Variants in FCER1A observed in about 807,000 individuals in gnomAD.
FCER1A encodes Fc epsilon receptor Ia.
A neutral mutation model predicts 23.6 loss-of-function variants in FCER1A; 24 were observed. That is an observed-to-expected ratio of 1.02 (90% CI 0.74 to 1.43). The LOEUF is 1.43. Ranked by LOEUF, FCER1A falls within the 40% of genes most tolerant of loss-of-function variation. FCER1A has a pLI of 0.00. For missense variants in FCER1A, 318 were observed against 294.5 expected (o/e 1.08, Z -0.58); for synonymous variants, 121 against 108.8 (o/e 1.11, Z -0.70).
rs61828225 is a variant in FCER1A, at chr1:159,293,832, A to G, written c.-60+4079A>G. The stretch of plus-strand genomic sequence containing the variant: ...CAACCTACTCATCTGACAAAGGGCT[A>G]ATATCCAGAATCTACAATGAACTCA... On this transcript the variant is annotated intron_variant, in intron 1 of 5. Transcript: ENST00000368115. 9.8e-3 allele frequency among the ~76,000 whole-genome samples: 1,484 copies of G among 152,116 alleles called. 12 individuals are homozygous for G. Among genetic ancestry groups the G allele is most frequent in the Non-Finnish European group, 0.017 (1,182 of 67,998 alleles).
intron 1 of FCER1A, among the ~76,000 whole-genome samples, chr1:159,291,635 T>C (rs1349825244): frequency 1.3e-5 from 2 of 152,162 alleles, no homozygotes; most frequent in African/African-American, 2.4e-5. Flanking sequence ...ACTTCCCTTA[T>C]TCCCTCTCTG....
Position 159,307,754 on chromosome 1 carries a change from GTGAGAAGTACTGGCTACAATTTT to G in FCER1A, c.598_620del (p.Glu200TyrfsTer30). 6.3e-7 allele frequency: 1 copy of G among 1,598,806 alleles called. No individual in the cohort carries two copies. The highest frequency in any genetic ancestry group is 8.6e-7 in the Non-Finnish European group (1 of 1,168,366). On this transcript the variant is annotated frameshift_variant, in exon 5 of 5. Coordinates refer to ENST00000693622, the MANE Select transcript of FCER1A (RefSeq NM_001387280.1). LOFTEE classifies it low-confidence loss of function (END_TRUNC). Reference sequence around the variant, plus strand: ...CATCTGTGTTCCACTACAGCTCCGCGTGAGAAGTACTGGCTACAATTTTTTATCCCATTGTTGGTGGTGATTCT... The same window carrying G: ...CATCTGTGTTCCACTACAGCTCCGCGTTATCCCATTGTTGGTGGTGATTCT...
At chr1:159,287,716 A>C (rs1434023344), upstream of FCER1A, among the ~76,000 whole-genome samples, 3 of 148,174 alleles carry the variant, frequency 2.0e-5, no homozygotes, top group East Asian at 5.8e-4. Context: ...ATAAATATAT[A>C]ATGTATTATA....
intron 1 of FCER1A, among the ~76,000 whole-genome samples, chr1:159,293,168 CTGTGTGTG>C (rs10632832): frequency 2.1e-5 from 3 of 145,910 alleles, no homozygotes; most frequent in Admixed American, 1.4e-4. Flanking sequence ...TACATACACA[CTGTGTGTG>C]TGTGTGTGTG....
At chr1:159,306,622 A>C (rs78849817) in intron 4 of FCER1A, among the ~76,000 whole-genome samples, 103 of 152,306 alleles carry the variant, frequency 6.8e-4, no homozygotes, top group Middle Eastern at 6.8e-3. Context: ...AAAAAGTTTC[A>C]AAGTTGAATG....
At chr1:159,300,249 G>A (rs1033460238), upstream of FCER1A, among the ~76,000 whole-genome samples, 1 of 152,022 alleles carries the variant, frequency 6.6e-6, no homozygotes, top group Non-Finnish European at 1.5e-5. Context: ...ATCTAAGTAG[G>A]AGCTATTTAG....
upstream of FCER1A, among the ~76,000 whole-genome samples, chr1:159,302,115 C>A (rs913299750): frequency 6.6e-6 from 1 of 152,136 alleles, no homozygotes; most frequent in South Asian, 2.1e-4. Flanking sequence ...AGACCTATGC[C>A]TCTCTCTCAC....
chr1:159,288,832 A>G (rs1441640616), upstream of FCER1A, among the ~76,000 whole-genome samples: 1 of 152,202 alleles, frequency 6.6e-6, no homozygotes, highest in African/African-American at 2.4e-5. Context: ...CAGCAGCAGA[A>G]ACAACAACAG....
chr1:159,286,117 G>C (rs1652009505), upstream of FCER1A, among the ~76,000 whole-genome samples: 1 of 151,572 alleles, frequency 6.6e-6, no homozygotes, highest in Non-Finnish European at 1.5e-5. Context: ...TTGAACCCGG[G>C]AGGCAGAGGT....
At chr1:159,286,822 C>T (rs947336782), upstream of FCER1A, among the ~76,000 whole-genome samples, 2 of 152,258 alleles carry the variant, frequency 1.3e-5, no homozygotes, top group African/African-American at 4.8e-5. Context: ...TATTCTATTA[C>T]ATCCAGTGAA....
chr1:159,293,914 G>T (rs907617077), intron 1 of FCER1A, among the ~76,000 whole-genome samples: 1 of 151,808 alleles, frequency 6.6e-6, no homozygotes, highest in African/African-American at 2.4e-5. Flanking sequence ...CGAAGGACAT[G>T]AACAGACACT....
chr1:159,295,535 G>A (rs751281023), intron 1 of FCER1A, among the ~76,000 whole-genome samples: 5 of 151,916 alleles, frequency 3.3e-5, no homozygotes, highest in African/African-American at 1.2e-4. Flanking sequence ...ACTATTCTAC[G>A]GGAATGGCCA....
At chr1:159,300,792 T>A (rs904405353), upstream of FCER1A, among the ~76,000 whole-genome samples, 1 of 152,210 alleles carries the variant, frequency 6.6e-6, no homozygotes, top group African/African-American at 2.4e-5. Flanking sequence ...TTCTTTTTTA[T>A]CTTATTAAAT....
chr1:159,307,653 C>A, intron 4 of FCER1A, 95 bp from the exon 5 acceptor site: 2 of 882,120 alleles, frequency 2.3e-6, no homozygotes, highest in Non-Finnish European at 3.5e-6. Context: ...AAGGACAAAG[C>A]TTGGTCTTTC....
chr1:159,306,234 C>G lies in FCER1A; in HGVS notation c.578C>G (p.Thr193Ser), dbSNP rs202007819. 32 of 1,613,524 alleles carry G rather than the reference C, an allele frequency of 2.0e-5. No individual in the cohort carries two copies. Among genetic ancestry groups the G allele is most frequent in the Admixed American group, 1.0e-4 (6 of 59,998 alleles). The change falls in exon 4 of 5, where the codon ACT (threonine) becomes AGT (serine). Residue 193 changes from threonine (T) to serine (S), a missense_variant. Thr to Ser is a moderately conservative substitution (Grantham distance 58). Transcript: ENST00000693622. ...TATGAGTCTGAGCCCCTCAACATTACTGTAATAAAAGGTGAGTTGGTAAAG... is the reference window on the plus strand; with the variant it reads ...TATGAGTCTGAGCCCCTCAACATTAGTGTAATAAAAGGTGAGTTGGTAAAG... ...LDYESEPLNI[T>S]VIKAPREKYW...
Position 159,306,052 on chromosome 1 carries a change from C to T in FCER1A, c.396C>T (p.Cys132=), listed in dbSNP as rs1323306380. The T allele has an allele frequency of 1.2e-6, 2 of 1,613,950 alleles. No homozygotes were observed. The highest frequency in any genetic ancestry group is 1.7e-6 in the Non-Finnish European group (2 of 1,179,840). The change falls in exon 4 of 5, where the codon TGC becomes TGT. Residue 132 remains cysteine, a synonymous_variant. Transcript: ENST00000693622. ...AGGGCCAGCCCCTCTTCCTCAGGTG[C>T]CATGGTTGGAGGAACTGGGATGTGT... ...VMEGQPLFLR[C]HGWRNWDVYK... is the part of the protein sequence containing the mutation.
chr1:159,308,123 A>G lies in FCER1A; in HGVS notation c.*191A>G. ...TAAGTGCTCAATTAACATTGGTTGA[A>G]TAAATGAGAGAATGAATAGATTCAT... is the stretch of plus-strand genomic sequence containing the variant. On this transcript the variant is annotated 3_prime_UTR_variant, in exon 5 of 5. Coordinates refer to ENST00000693622, the MANE Select transcript of FCER1A (RefSeq NM_001387280.1). 1 of 451,034 alleles carries G rather than the reference A, an allele frequency of 2.2e-6. No homozygotes were observed. The highest frequency in any genetic ancestry group is 3.9e-6 in the Non-Finnish European group (1 of 254,026). The allele number at this position is 451,034 out of a possible 1,614,324, so 27.9% of individuals were successfully genotyped here.
At chr1:159,290,823 C>A (rs985737829) in intron 1 of FCER1A, among the ~76,000 whole-genome samples, 1 of 151,994 alleles carries the variant, frequency 6.6e-6, no homozygotes, top group Non-Finnish European at 1.5e-5. Context: ...ATTCTTCCTG[C>A]TTATGGAAAT....
chr1:159,296,640 C>T (rs1301095324), intron 1 of FCER1A, among the ~76,000 whole-genome samples: 2 of 152,118 alleles, frequency 1.3e-5, no homozygotes, highest in South Asian at 2.1e-4. Context: ...AAATATCTGG[C>T]TGCACATTGA....
Sources: allele counts gnomAD v4.1 joint callset (sites outside exome capture counted in the v4.1 genomes callset), GRCh38; gene constraint gnomAD v4.1.1; transcripts MANE v1.5; gene names NCBI Gene and HGNC (gene_info 2026-07-23, HGNC 2026-07-21).